The following PRR5L variants were observed in gnomAD, a reference collection of about 807,000 sequenced individuals.
The protein encoded by PRR5L is proline-rich protein 5-like.
PRR5L carries 21 observed loss-of-function variants against 36.4 expected under a neutral mutation model. The observed-to-expected ratio is 0.58, with a 90% CI of 0.41 to 0.83. PRR5L has a LOEUF of 0.83. PRR5L is among the 40% of genes least tolerant of loss of function. The pLI, the probability that PRR5L is intolerant of heterozygous loss-of-function variation, is 0.00. For synonymous variants in PRR5L, 188 were observed against 197.0 expected (o/e 0.95, Z 0.38); for missense variants, 381 against 473.3 (o/e 0.80, Z 1.81).
chr11:36,365,546 C>T (rs1302040961), intron 1 of PRR5L, among the ~76,000 whole-genome samples: 6 of 152,026 alleles, frequency 3.9e-5, no homozygotes, highest in African/African-American at 1.2e-4. Context: ...TCTTAATATA[C>T]GACTGCATTT....
chr11:36,313,493 A>C (rs914667553), intron 1 of PRR5L, among the ~76,000 whole-genome samples: 14 of 152,338 alleles, frequency 9.2e-5, no homozygotes, highest in African/African-American at 3.4e-4. Flanking sequence ...GACTGGAGAC[A>C]CTTTGCTTTG....
At chr11:36,388,018 C>T (rs541710450) in intron 1 of PRR5L, 1 of 152,356 alleles carries the variant, frequency 6.6e-6, no homozygotes, top group African/African-American at 2.4e-5. Context: ...ATGGCTGCCT[C>T]CTTTAGCCAG....
At chr11:36,416,855 T>C (rs977264424) in intron 3 of PRR5L, among the ~76,000 whole-genome samples, 3 of 152,134 alleles carry the variant, frequency 2.0e-5, no homozygotes, top group Non-Finnish European at 4.4e-5. Flanking sequence ...ATTCCTCAAC[T>C]GGGTAGCATC....
At chr11:36,406,576 C>T (rs990925225) in intron 3 of PRR5L, among the ~76,000 whole-genome samples, 3 of 152,214 alleles carry the variant, frequency 2.0e-5, no homozygotes, top group African/African-American at 7.2e-5. Flanking sequence ...AACACAGCTG[C>T]CTTTATTCCA....
chr11:36,418,664 C>T (rs990996215), intron 3 of PRR5L, among the ~76,000 whole-genome samples: 14 of 151,926 alleles, frequency 9.2e-5, no homozygotes, highest in South Asian at 2.1e-4. Flanking sequence ...GGCATGGTGG[C>T]GGGCGCCTGT....
intron 3 of PRR5L, among the ~76,000 whole-genome samples, chr11:36,410,038 A>G (rs974027604): frequency 2.6e-5 from 4 of 152,136 alleles, no homozygotes; most frequent in Admixed American, 6.5e-5. Context: ...CCTTCTGAGG[A>G]GCCTAGTTTT....
In PRR5L at chr11:36,462,368, A is replaced by G; in HGVS notation, c.739A>G (p.Lys247Glu). The G allele has an allele frequency of 2.0e-6, 3 of 1,516,128 alleles. No homozygotes were observed. The highest frequency in any genetic ancestry group is 2.7e-6 in the Non-Finnish European group (3 of 1,130,646). 93.9% of individuals were successfully genotyped at this position (1,516,128 alleles called of 1,614,324 possible). Reference protein sequence around the residue: ...LARRHSRVRPKVTVLNYASPI... With the variant: ...LARRHSRVRPEVTVLNYASPI... Reference sequence around the variant, plus strand: ...CAGGCGGCACTCCAGGGTCCGGCCCAAGGTGACTGTCCTGAACTATGCCTC... The same window carrying G: ...CAGGCGGCACTCCAGGGTCCGGCCCGAGGTGACTGTCCTGAACTATGCCTC... The change falls in exon 9 of 9, where the codon AAG becomes GAG. Residue 247 changes from lysine to glutamate, a missense_variant. Physicochemically the swap from Lys to Glu is moderately conservative, Grantham distance 56. Transcript: ENST00000530639.
chr11:36,446,340 TCCGAGA>T lies in PRR5L; in HGVS notation c.488_493del (p.Arg163_Asp164del). On this transcript the variant is annotated inframe_deletion, in exon 7 of 9. Coordinates refer to ENST00000530639, the MANE Select transcript of PRR5L (RefSeq NM_001160167.2). ...ATCCGCCAGATCTCCCTGCTGGGCT[TCCGAGA>T]CCTAGTCTTGCTGAAGGTGAAGCTG... 1 of 1,614,102 alleles carries T rather than the reference TCCGAGA, an allele frequency of 6.2e-7. No homozygotes were observed. Among genetic ancestry groups the T allele is most frequent in the Non-Finnish European group, 8.5e-7 (1 of 1,180,034 alleles).
At chr11:36,352,837 CAG>C (rs1288437239) in intron 1 of PRR5L, among the ~76,000 whole-genome samples, 1 of 152,086 alleles carries the variant, frequency 6.6e-6, no homozygotes, top group Non-Finnish European at 1.5e-5. Context: ...ACAGAGAGGA[CAG>C]AGAGAGGGAA....
chr11:36,418,470 CTG>C (rs970483415), intron 3 of PRR5L, among the ~76,000 whole-genome samples: 12 of 152,116 alleles, frequency 7.9e-5, no homozygotes, highest in African/African-American at 2.9e-4. Context: ...GGGGAACTCT[CTG>C]AGGCATAATT....
chr11:36,361,069 A>G (rs768600136), intron 1 of PRR5L, among the ~76,000 whole-genome samples: 1 of 152,204 alleles, frequency 6.6e-6, no homozygotes, highest in Admixed American at 6.5e-5. Flanking sequence ...GTCCCCACCT[A>G]TGTAACTCAT....
intron 1 of PRR5L, among the ~76,000 whole-genome samples, chr11:36,327,305 A>G (rs914587004): frequency 6.6e-6 from 1 of 152,156 alleles, no homozygotes; most frequent in Non-Finnish European, 1.5e-5. Flanking sequence ...GGGGTGTTGG[A>G]CATGCCTTAT....
intron 8 of PRR5L, 40 bp from the exon 9 acceptor site, chr11:36,462,302 C>CG (rs776687565): frequency 1.2e-4 from 184 of 1,481,720 alleles, no homozygotes; most frequent in African/African-American, 9.5e-4. Context: ...CACCAATACC[C>CG]CCTCCCCAAT....
intron 1 of PRR5L, among the ~76,000 whole-genome samples, chr11:36,327,363 C>T (rs1856675438): frequency 6.6e-6 from 1 of 152,180 alleles, no homozygotes; most frequent in Non-Finnish European, 1.5e-5. Flanking sequence ...TCAGCATTAA[C>T]ATTCAAACAG....
intron 2 of PRR5L, 88 bp from the exon 3 acceptor site, chr11:36,403,210 C>A: frequency 3.7e-6 from 4 of 1,084,734 alleles, no homozygotes; most frequent in South Asian, 2.7e-5. Context: ...GCTTCCTGGT[C>A]ACTCCACACA....
rs749725726 is a variant in PRR5L at position 36,403,298 on chromosome 11, C to T, written c.165C>T (p.Ser55=). 3.2e-5 allele frequency: 52 copies of T among 1,613,440 alleles called. No homozygotes were observed. The Middle Eastern group carries it at 8.2e-4, about 26-fold the overall frequency. Residue 55 remains serine (S), a splice_region_variant and synonymous_variant, in exon 3 of 9, where the codon AGC becomes AGT. Transcript: ENST00000530639. ...LQLSSSSAWN[S]VQTAVINVFK... is the part of the protein sequence containing the mutation. ...CAGGGGTTATTCTCTTTTCCTGTAG[C>T]GTTCAGACTGCTGTGATCAACGTTT...
chr11:36,356,408 A>AC (rs1207190903), intron 1 of PRR5L, among the ~76,000 whole-genome samples: 4 of 152,134 alleles, frequency 2.6e-5, no homozygotes, highest in African/African-American at 9.7e-5. Flanking sequence ...GTGAGGCCTC[A>AC]AGGGAGTTGA....
chr11:36,392,714 C>T (rs1320129116), intron 1 of PRR5L, among the ~76,000 whole-genome samples: 1 of 150,474 alleles, frequency 6.6e-6, no homozygotes, highest in Non-Finnish European at 1.5e-5. Context: ...AAAGGGAAAG[C>T]ATAGTGACAG....
At chr11:36,459,473 C>G (rs1419369220) in intron 8 of PRR5L, among the ~76,000 whole-genome samples, 4 of 152,296 alleles carry the variant, frequency 2.6e-5, no homozygotes, top group Admixed American at 2.6e-4. Context: ...GCCTCTCTGA[C>G]CCACCCTAGG....
Sources: allele counts gnomAD v4.1 joint callset (sites outside exome capture counted in the v4.1 genomes callset), GRCh38; gene constraint gnomAD v4.1.1; transcripts MANE v1.5; gene names NCBI Gene and HGNC (gene_info 2026-07-23, HGNC 2026-07-21).